RNF125: variants seen among roughly 807,000 people sequenced by gnomAD.
RNF125 encodes ring finger protein 125, also known as E3 ubiquitin-protein ligase RNF125.
A neutral mutation model predicts 26.0 loss-of-function variants in RNF125; 21 were observed. The ratio of observed to expected loss-of-function variants is 0.81; its 90% CI spans 0.57 to 1.16. The LOEUF is 1.16. Ranked by LOEUF, RNF125 falls within the 50% of genes most tolerant of loss-of-function variation. The probability of loss-of-function intolerance (pLI) is 0.00; values close to 1 mark genes in which losing one functional copy is unlikely to be tolerated. For missense variants in RNF125, 270 were observed against 299.4 expected, an observed-to-expected ratio of 0.90 and a Z score of 0.72; for synonymous variants, 95 against 109.2, an observed-to-expected ratio of 0.87 and a Z score of 0.81.
chr18:32,054,164 G>A (rs1206091809), intron 4 of RNF125, among the ~76,000 whole-genome samples: 1 of 149,608 alleles, frequency 6.7e-6, no homozygotes, highest in African/African-American at 2.5e-5. Flanking sequence ...CGTGGTCTCG[G>A]CTCGGAGCAA....
chr18:32,085,464 C>A, the RNF125 span, among the ~76,000 whole-genome samples: 5 of 150,436 alleles, frequency 3.3e-5, no homozygotes, highest in Admixed American at 1.3e-4. Context: ...CTTTAAGAGG[C>A]CAAGGTGGGA....
At chr18:32,086,343 C>T in the RNF125 span, among the ~76,000 whole-genome samples, 1 of 142,626 alleles carries the variant, frequency 7.0e-6, no homozygotes, top group Non-Finnish European at 1.5e-5. Context: ...ACCACTGCAC[C>T]TAGATATTTG....
chr18:32,066,700 C>A (rs2039488606), intron 5 of RNF125, among the ~76,000 whole-genome samples: 1 of 152,190 alleles, frequency 6.6e-6, no homozygotes, highest in Non-Finnish European at 1.5e-5. Context: ...TTAAAAGCAC[C>A]TACTCCCAAA....
the RNF125 span, among the ~76,000 whole-genome samples, chr18:32,087,022 C>G: frequency 2.6e-5 from 4 of 152,044 alleles, no homozygotes; most frequent in African/African-American, 9.7e-5. Context: ...GCCTTTTGGT[C>G]ATAACTGAGT....
chr18:32,081,899 G>A, the RNF125 span, among the ~76,000 whole-genome samples: 3 of 152,146 alleles, frequency 2.0e-5, no homozygotes, highest in African/African-American at 4.8e-5. Flanking sequence ...TAGAAAAAAG[G>A]AAGTTGGGAA....
In RNF125 at chr18:32,071,441, C is replaced by T. The variant is rs2144524244; in HGVS notation, c.*3057C>T. On this transcript the variant is annotated 3_prime_UTR_variant, in exon 6 of 6. Coordinates refer to ENST00000217740, the MANE Select transcript of RNF125 (RefSeq NM_017831.4). The stretch of plus-strand genomic sequence containing the variant: ...GTGCCACCGCGCCAGGCAATTGCCC[C>T]CAGTTTTTATTTGATGGCTCTGACT... 1 of 152,188 alleles carries T rather than the reference C, an allele frequency of 6.6e-6. No homozygotes were observed. The highest frequency in any genetic ancestry group is 1.9e-4 in the East Asian group (1 of 5,190). 9.4% of individuals were successfully genotyped at this position (152,188 alleles called of 1,614,324 possible).
Position 32,019,253 on chromosome 18 carries a change from C to T in RNF125, c.164+226C>T, listed in dbSNP as rs778549101. On this transcript the variant is annotated intron_variant, in intron 1 of 5. Transcript: ENST00000217740. ...ATAAACAAGCGGGTCCTGTAGCCCC[C>T]TTGCGCTTTCAGCTCCCGAAGCCCA... Among the ~76,000 whole-genome samples, 29 of 152,270 alleles carry T rather than the reference C, an allele frequency of 1.9e-4. 1 individual carries two copies. The highest frequency in any genetic ancestry group is 3.9e-4 in the Admixed American group (6 of 15,300).
chr18:32,088,326 C>T, the RNF125 span, among the ~76,000 whole-genome samples: 1 of 152,182 alleles, frequency 6.6e-6, no homozygotes, highest in African/African-American at 2.4e-5. Flanking sequence ...TTCCATCCTC[C>T]AGCTTCCCAG....
intron 2 of RNF125, among the ~76,000 whole-genome samples, chr18:32,040,460 G>C (rs189991376): frequency 6.6e-6 from 1 of 151,584 alleles, no homozygotes; most frequent in African/African-American, 2.4e-5. Flanking sequence ...TTAGTAGAGA[G>C]GGGGTTTCCA....
intron 1 of RNF125, among the ~76,000 whole-genome samples, chr18:32,036,565 G>GAAGGAAGGAAGGAAGGA (rs1189398461): frequency 7.2e-6 from 1 of 139,510 alleles, no homozygotes; most frequent in Non-Finnish European, 1.5e-5. Context: ...AGAAAGGAAG[G>GAAGGAAGGAAGGAAGGA]AAGGAAGGAA....
At chr18:32,051,333 C>T (rs1459368050) in intron 4 of RNF125, among the ~76,000 whole-genome samples, 2 of 151,956 alleles carry the variant, frequency 1.3e-5, no homozygotes, top group Non-Finnish European at 2.9e-5. Flanking sequence ...TAAAGAAAGA[C>T]AGGCTGGGCG....
intron 4 of RNF125, among the ~76,000 whole-genome samples, chr18:32,049,362 G>C (rs1041678000): frequency 6.6e-6 from 1 of 152,142 alleles, no homozygotes; most frequent in African/African-American, 2.4e-5. Flanking sequence ...TTGTAAAATG[G>C]GGATGGTGAT....
At position 32,068,350 on chromosome 18, in the gene RNF125, T is replaced by C. The variant is rs1230239302; in HGVS notation, c.665T>C (p.Leu222Pro). Residue 222 changes from leucine (L) to proline (P), a missense_variant, in exon 6 of 6, where the codon CTT (leucine) becomes CCT (proline). Leu to Pro is a moderately conservative substitution (Grantham distance 98, BLOSUM62 -3). Coordinates refer to ENST00000217740, the MANE Select transcript of RNF125 (RefSeq NM_017831.4). The part of the protein sequence containing the change: ...ALIRRVLDRS[L>P]LEYVNHSNTT ...ATCCGAAGAGTCTTAGACCGGTCAC[T>C]TCTTGAATATGTGAATCACTCGAAC... 1 of 1,600,392 alleles carries C rather than the reference T, an allele frequency of 6.2e-7. No individual in the cohort carries two copies. Among genetic ancestry groups the C allele is most frequent in the South Asian group, 1.1e-5 (1 of 90,778 alleles).
At chr18:32,075,620 G>A (rs1363470610), downstream of RNF125, among the ~76,000 whole-genome samples, 1 of 151,454 alleles carries the variant, frequency 6.6e-6, no homozygotes, top group Admixed American at 6.6e-5. Flanking sequence ...TTGAACCTGG[G>A]AGGTGGAGGT....
At chr18:32,022,750 A>G (rs1402124716) in intron 1 of RNF125, among the ~76,000 whole-genome samples, 5 of 152,132 alleles carry the variant, frequency 3.3e-5, no homozygotes, top group Non-Finnish European at 7.4e-5. Flanking sequence ...TTCAGTTAAT[A>G]ATTTCCTAGG....
intron 4 of RNF125, among the ~76,000 whole-genome samples, chr18:32,055,927 C>T (rs527808922): frequency 1.7e-4 from 22 of 127,172 alleles, no homozygotes; most frequent in South Asian, 1.2e-3. Context: ...TGCAGTGAGC[C>T]GAGATCATGC....
chr18:32,040,154 C>T (rs1026160854), intron 2 of RNF125, among the ~76,000 whole-genome samples: 3 of 152,110 alleles, frequency 2.0e-5, no homozygotes, highest in Non-Finnish European at 2.9e-5. Flanking sequence ...ATTCCTTCTA[C>T]GCACATTTTG....
At chr18:32,019,943 C>T (rs1459030608) in intron 1 of RNF125, among the ~76,000 whole-genome samples, 2 of 152,060 alleles carry the variant, frequency 1.3e-5, no homozygotes, top group East Asian at 1.9e-4. Context: ...TTGGCACATC[C>T]TTAATGTGTG....
At chr18:32,061,228 G>T (rs1254384571) in intron 4 of RNF125, among the ~76,000 whole-genome samples, 1 of 152,144 alleles carries the variant, frequency 6.6e-6, no homozygotes, top group Non-Finnish European at 1.5e-5. Context: ...GTTTCACCGT[G>T]TTAGCCAGGA....
Sources: allele counts gnomAD v4.1 joint callset (sites outside exome capture counted in the v4.1 genomes callset), GRCh38; gene constraint gnomAD v4.1.1; transcripts MANE v1.5; gene names NCBI Gene and HGNC (gene_info 2026-07-23, HGNC 2026-07-21).